The following TP73 variants were observed in gnomAD, a reference collection of about 807,000 sequenced individuals.
TP73 encodes p53-like transcription factor.
TP73 carries 25 observed loss-of-function variants against 62.5 expected under a neutral mutation model. The ratio of observed to expected loss-of-function variants is 0.40; its 90% CI spans 0.29 to 0.56. The LOEUF (loss-of-function observed/expected upper bound fraction) is 0.56. Among genes scored for constraint, TP73 ranks in the 20% least tolerant of loss-of-function variants. The pLI is 0.46. For missense variants in TP73, 754 were observed against 913.3 expected, an observed-to-expected ratio of 0.83 and a Z score of 2.25; for synonymous variants, 423 against 377.5, an observed-to-expected ratio of 1.12 and a Z score of -1.40.
In TP73 at chr1:3,653,389, T is replaced by G. The variant is rs145562256; in HGVS notation, c.-34+748T>G. 2.7e-3 allele frequency among the ~76,000 whole-genome samples: 407 copies of G among 152,340 alleles called. 2 individuals are homozygous for G. The highest frequency in any genetic ancestry group is 9.5e-3 in the African/African-American group (393 of 41,578). ...CTGCAGCCCCTGCCTTTCCCGGGGC[T>G]TGGACTTGGGGAGCGATGATTACCT... On this transcript the variant is annotated intron_variant, in intron 1 of 13. Transcript: ENST00000378295.
At chr1:3,704,533 C>G (rs76503065) in intron 3 of TP73, among the ~76,000 whole-genome samples, 1 of 152,160 alleles carries the variant, frequency 6.6e-6, no homozygotes, top group African/African-American at 2.4e-5. Flanking sequence ...AACCGGGTGA[C>G]GAAAGAGAAC....
chr1:3,674,042 G>A (rs1318629875), intron 1 of TP73, among the ~76,000 whole-genome samples: 1 of 152,178 alleles, frequency 6.6e-6, no homozygotes, highest in Non-Finnish European at 1.5e-5. Context: ...CTCCTGGTTG[G>A]TAACAGGTGT....
In TP73 at chr1:3,693,315, T is replaced by C. The variant is rs563605440; in HGVS notation, c.186+10135T>C. 2.0e-5 allele frequency among the ~76,000 whole-genome samples: 3 copies of C among 152,272 alleles called. No homozygotes were observed. The East Asian group carries it at 5.8e-4, about 29-fold the overall frequency. Reference sequence around the variant, plus strand: ...GTGAGCGAATAGAGTTGTATTGGAGTTGGTGGCTTTGTGAGGCCCTGGTTA... The same window carrying C: ...GTGAGCGAATAGAGTTGTATTGGAGCTGGTGGCTTTGTGAGGCCCTGGTTA... On this transcript the variant is annotated intron_variant, in intron 3 of 13. Coordinates refer to ENST00000378295, the MANE Select transcript of TP73 (RefSeq NM_005427.4).
At chr1:3,725,714 G>GGA (rs1313340422) in intron 6 of TP73, among the ~76,000 whole-genome samples, 4 of 134,036 alleles carry the variant, frequency 3.0e-5, no homozygotes, top group East Asian at 2.5e-4. Context: ...GTGGATGGAT[G>GGA]TTTAGATGGA....
At chr1:3,686,145 G>A (rs1645650344) in intron 3 of TP73, among the ~76,000 whole-genome samples, 2 of 152,198 alleles carry the variant, frequency 1.3e-5, no homozygotes, top group Admixed American at 6.5e-5. Flanking sequence ...ACTCAGGGGC[G>A]GGTCTGGGAC....
chr1:3,721,499 A>G (rs1393275072), intron 4 of TP73, among the ~76,000 whole-genome samples: 1 of 152,238 alleles, frequency 6.6e-6, no homozygotes, highest in East Asian at 1.9e-4. Flanking sequence ...TCTCTATGGA[A>G]GCTTGAATGC....
At chr1:3,721,494 A>G (rs1276657861) in intron 4 of TP73, among the ~76,000 whole-genome samples, 1 of 152,250 alleles carries the variant, frequency 6.6e-6, no homozygotes, top group South Asian at 2.1e-4. Context: ...AGAGCTCTCT[A>G]TGGAAGCTTG....
chr1:3,710,890 C>T (rs1640086480), intron 4 of TP73, among the ~76,000 whole-genome samples: 1 of 152,238 alleles, frequency 6.6e-6, no homozygotes, highest in Non-Finnish European at 1.5e-5. Context: ...TAGTAGCTCC[C>T]ACCCCATGGA....
Position 3,722,047 on chromosome 1 carries a change from C to T in TP73, c.456C>T (p.Tyr152=), listed in dbSNP as rs2124477638. The change falls in exon 5 of 14, where the codon TAC becomes TAT. Residue 152 remains tyrosine, a synonymous_variant. Coordinates refer to ENST00000378295, the MANE Select transcript of TP73 (RefSeq NM_005427.4). ...ACTCCCCGCTCTTGAAGAAACTCTA[C>T]TGCCAGATCGCCAAGACATGCCCCA... ...WTYSPLLKKL[Y]CQIAKTCPIQ... is the part of the protein sequence containing the mutation. 1 of 1,611,226 alleles carries T rather than the reference C, an allele frequency of 6.2e-7. No individual in the cohort carries two copies.
intron 1 of TP73, among the ~76,000 whole-genome samples, chr1:3,673,133 C>T (rs528353470): frequency 9.3e-4 from 141 of 152,374 alleles, no homozygotes; most frequent in Non-Finnish European, 1.7e-3. Flanking sequence ...CTACCCGTTT[C>T]GAGGACGCCT....
intron 4 of TP73, chr1:3,708,079 C>A (rs1426041516): frequency 3.9e-6 from 2 of 515,442 alleles, no homozygotes; most frequent in East Asian, 3.3e-5. Context: ...GACTGGCCAG[C>A]GGCTTCCCCA....
At chr1:3,693,593 G>A (rs1169704607) in intron 3 of TP73, among the ~76,000 whole-genome samples, 3 of 152,132 alleles carry the variant, frequency 2.0e-5, no homozygotes, top group African/African-American at 4.8e-5. Context: ...GTAGCTGCTC[G>A]GCTGCGGGGC....
Position 3,730,075 on chromosome 1 carries a change from G to T in TP73, c.1272G>T (p.Leu424=). The part of the protein sequence containing the change: ...MNKVHGGMNK[L]PSVNQLVGQP... Reference sequence around the variant, plus strand: ...AGGTGCACGGGGGCATGAACAAGCTGCCCTCCGTCAACCAGCTGGTGGGCC... The same window carrying T: ...AGGTGCACGGGGGCATGAACAAGCTTCCCTCCGTCAACCAGCTGGTGGGCC... Residue 424 remains leucine, a synonymous_variant, in exon 11 of 14, where the codon CTG becomes CTT. Transcript: ENST00000378295. 1 of 1,601,786 alleles carries T rather than the reference G, an allele frequency of 6.2e-7. No homozygotes were observed.
rs1388067084 is a variant in TP73, at chr1:3,733,042, C to T, written c.1874C>T (p.Pro625Leu). The change falls in exon 14 of 14, where the codon CCC becomes CTC. Residue 625 changes from proline to leucine, a missense_variant. Pro to Leu is a moderately conservative substitution (Grantham distance 98). Coordinates refer to ENST00000378295, the MANE Select transcript of TP73 (RefSeq NM_005427.4). ...DLPDCKARKQ[P>L]IKEEFTEAEI... ...CCCGACTGCAAGGCCCGCAAGCAGC[C>T]CATCAAGGAGGAGTTCACGGAGGCC... is the stretch of plus-strand genomic sequence containing the variant. The T allele has an allele frequency of 1.3e-6, 2 of 1,543,844 alleles. No homozygotes were observed. Among genetic ancestry groups the T allele is most frequent in the South Asian group, 1.2e-5 (1 of 84,642 alleles).
At chr1:3,669,444 G>T (rs1003384183) in intron 1 of TP73, among the ~76,000 whole-genome samples, 1 of 152,216 alleles carries the variant, frequency 6.6e-6, no homozygotes, top group Non-Finnish European at 1.5e-5. Flanking sequence ...GGCAGAAGTG[G>T]CTCTGGTACC....
chr1:3,731,193 G>A (rs1642112583), intron 12 of TP73, 128 bp downstream of exon 12: 15 of 1,346,254 alleles, frequency 1.1e-5, no homozygotes, highest in African/African-American at 1.5e-5. Flanking sequence ...TCAGACAGGC[G>A]GGCGGGGGCA....
chr1:3,722,214 G>A lies in TP73; in HGVS notation c.616+7G>A. 6.2e-7 allele frequency: 1 copy of A among 1,612,328 alleles called. No individual in the cohort carries two copies. Among genetic ancestry groups the A allele is most frequent in the Non-Finnish European group, 8.5e-7 (1 of 1,179,694 alleles). On this transcript the variant is annotated splice_region_variant and intron_variant, in intron 5 of 13. Coordinates refer to ENST00000378295, the MANE Select transcript of TP73 (RefSeq NM_005427.4). ...GGGAGGGACTTCAACGAAGGTGAGGGCCCCCAGCTCCTCTGCCCACGGTGG... is the reference window on the plus strand; with the variant it reads ...GGGAGGGACTTCAACGAAGGTGAGGACCCCCAGCTCCTCTGCCCACGGTGG...
At position 3,666,124 on chromosome 1, in the gene TP73, CAAAAAAAA is replaced by C. The variant is rs59432695; in HGVS notation, c.-34+13503_-34+13510del. Among the ~76,000 whole-genome samples, 9 of 41,066 alleles carry C rather than the reference CAAAAAAAA, an allele frequency of 2.2e-4. No individual in the cohort carries two copies. The highest frequency in any genetic ancestry group is 3.5e-4 in the Admixed American group (1 of 2,850). The allele number at this position is 41,066 out of a possible 152,430, so 26.9% of individuals were successfully genotyped here. On this transcript the variant is annotated intron_variant, in intron 1 of 13. Coordinates refer to ENST00000378295, the MANE Select transcript of TP73 (RefSeq NM_005427.4). This position sits in a 1 kb window ranked among gnomAD's most constrained non-coding sequence, Gnocchi z 6.4. ...GGGCAACAAGAGCAAAACTCTGTCTCAAAAAAAAAAAAAAAAAAAAAAAAAAAGAGAGA... is the reference window on the plus strand; with the variant it reads ...GGGCAACAAGAGCAAAACTCTGTCTCAAAAAAAAAAAAAAAAAAAGAGAGA...
intron 13 of TP73, 54 bp from the exon 14 acceptor site, chr1:3,732,693 C>A (rs1642225608): frequency 6.7e-7 from 1 of 1,490,902 alleles, no homozygotes. Context: ...GGGCGACCCC[C>A]CCTGCTCTCC....
Sources: allele counts gnomAD v4.1 joint callset (sites outside exome capture counted in the v4.1 genomes callset), GRCh38; gene constraint gnomAD v4.1.1; non-coding constraint Gnocchi (gnomAD v3.1); transcripts MANE v1.5; gene names NCBI Gene and HGNC (gene_info 2026-07-23, HGNC 2026-07-21).